NRP1: variants seen among roughly 807,000 people sequenced by gnomAD.
NRP1 encodes the protein neuropilin-1.
A neutral mutation model predicts 106.7 loss-of-function variants in NRP1; 35 were observed. That is an observed-to-expected ratio of 0.33 (90% CI 0.25 to 0.43). The LOEUF (loss-of-function observed/expected upper bound fraction) is 0.43. Ranked by LOEUF, NRP1 falls within the 20% of genes least tolerant of loss-of-function variation. NRP1 has a pLI of 1.00. For missense variants in NRP1, 1,024 were observed against 1,170.4 expected, an observed-to-expected ratio of 0.87 and a Z score of 1.83; for synonymous variants, 437 against 417.9, an observed-to-expected ratio of 1.05 and a Z score of -0.56.
chr10:33,210,936 T>C (rs1271833586), intron 9 of NRP1, among the ~76,000 whole-genome samples: 1 of 152,232 alleles, frequency 6.6e-6, no homozygotes. Context: ...AGAGATTTTA[T>C]TTCAGTGGAA....
chr10:33,328,703 G>A (rs897489020), intron 2 of NRP1, among the ~76,000 whole-genome samples: 1 of 152,130 alleles, frequency 6.6e-6, no homozygotes, highest in Admixed American at 6.6e-5. Flanking sequence ...GACATCACAT[G>A]GTTAGTTTGA....
chr10:33,303,551 T>C (rs540792806), intron 2 of NRP1, among the ~76,000 whole-genome samples: 39 of 152,348 alleles, frequency 2.6e-4, no homozygotes, highest in African/African-American at 9.1e-4. Context: ...TCATTTCTAA[T>C]TGACAATGAC....
At chr10:33,190,974 T>C (rs1836369094) in intron 13 of NRP1, among the ~76,000 whole-genome samples, 1 of 152,110 alleles carries the variant, frequency 6.6e-6, no homozygotes, top group African/African-American at 2.4e-5. Context: ...AAACAGACTC[T>C]GAGTAGCTGG....
chr10:33,293,731 G>A (rs1404245404), intron 2 of NRP1, among the ~76,000 whole-genome samples: 2 of 152,182 alleles, frequency 1.3e-5, no homozygotes, highest in Non-Finnish European at 1.5e-5. Context: ...TGCTAAAAAC[G>A]TGCTCGCGTG....
intron 2 of NRP1, among the ~76,000 whole-genome samples, chr10:33,273,596 C>T (rs1843467793): frequency 1.3e-5 from 2 of 152,314 alleles, no homozygotes; most frequent in South Asian, 4.1e-4. Context: ...GTGGCAAACA[C>T]GGCATTGCTC....
chr10:33,282,631 G>A (rs770637381), intron 2 of NRP1, among the ~76,000 whole-genome samples: 9 of 151,950 alleles, frequency 5.9e-5, no homozygotes, highest in East Asian at 1.9e-4. Flanking sequence ...TAAAATGACC[G>A]TCATCTTTTC....
intron 12 of NRP1, among the ~76,000 whole-genome samples, chr10:33,196,001 C>T (rs1266420061): frequency 6.6e-6 from 1 of 152,042 alleles, no homozygotes; most frequent in African/African-American, 2.4e-5. Context: ...ACCGACTGGC[C>T]CCTCTGAGAA....
intron 9 of NRP1, among the ~76,000 whole-genome samples, chr10:33,208,651 T>C (rs1838017697): frequency 6.6e-6 from 1 of 152,194 alleles, no homozygotes; most frequent in Non-Finnish European, 1.5e-5. Flanking sequence ...ATAAGGAATG[T>C]CCTTTTAAAT....
chr10:33,305,274 T>G (rs1053116545), intron 2 of NRP1, among the ~76,000 whole-genome samples: 2 of 152,228 alleles, frequency 1.3e-5, no homozygotes, highest in African/African-American at 4.8e-5. Context: ...AGATATAATG[T>G]GGACATCCTA....
chr10:33,215,469 G>A (rs772009370), intron 8 of NRP1, among the ~76,000 whole-genome samples: 1 of 152,188 alleles, frequency 6.6e-6, no homozygotes, highest in Non-Finnish European at 1.5e-5. Context: ...GAGCTTCTGA[G>A]CACAAGGAGA....
At chr10:33,292,028 AGAGTAGCTAC>A (rs554826335) in intron 2 of NRP1, among the ~76,000 whole-genome samples, 141 of 152,260 alleles carry the variant, frequency 9.3e-4, no homozygotes, top group African/African-American at 3.4e-3. Context: ...CTTAGCCTCC[AGAGTAGCTAC>A]GACTACAGGT....
intron 2 of NRP1, among the ~76,000 whole-genome samples, chr10:33,316,047 A>G (rs1847009923): frequency 6.6e-6 from 1 of 152,190 alleles, no homozygotes; most frequent in Admixed American, 6.5e-5. Context: ...TATTCTAGTT[A>G]AAAATGGTTA....
chr10:33,185,810 G>T, intron 14 of NRP1, 86 bp from the exon 15 acceptor site: 2 of 1,151,706 alleles, frequency 1.7e-6, no homozygotes, highest in Non-Finnish European at 2.6e-6. Flanking sequence ...TCCAGCTACG[G>T]CACATAAATT....
intron 10 of NRP1, among the ~76,000 whole-genome samples, chr10:33,204,652 GA>G (rs901144528): frequency 5.4e-5 from 8 of 149,410 alleles, no homozygotes; most frequent in African/African-American, 1.2e-4. Flanking sequence ...AGATTCAACG[GA>G]AAAAAAAAGG....
rs916704751 is a variant in NRP1 at position 33,177,639 on chromosome 10, G to A, written c.*2437C>T. On this transcript the variant is annotated 3_prime_UTR_variant, in exon 17 of 17. Transcript: ENST00000374867. Reference sequence around the variant, plus strand: ...AAATGTCATTTAAAGTTAAGGCTTCGCTGTTCATTTTGAAACAACAATTTA... The same window carrying A: ...AAATGTCATTTAAAGTTAAGGCTTCACTGTTCATTTTGAAACAACAATTTA... 1.8e-4 allele frequency: 27 copies of A among 152,502 alleles called. No individual in the cohort carries two copies. The highest frequency in any genetic ancestry group is 5.8e-4 in the African/African-American group (24 of 41,402). 9.4% of individuals were successfully genotyped at this position (152,502 alleles called of 1,614,324 possible).
chr10:33,227,488 C>T (rs1252726025), intron 6 of NRP1, among the ~76,000 whole-genome samples: 1 of 152,190 alleles, frequency 6.6e-6, no homozygotes, highest in African/African-American at 2.4e-5. Flanking sequence ...CTCCCCACAT[C>T]TTCCTGTGGC....
At chr10:33,274,870 A>C (rs112360861) in intron 2 of NRP1, among the ~76,000 whole-genome samples, 68 of 152,304 alleles carry the variant, frequency 4.5e-4, no homozygotes, top group African/African-American at 1.6e-3. Context: ...GTTGGCGAAC[A>C]CAATTTTCAC....
At chr10:33,316,296 G>A (rs928358850) in intron 2 of NRP1, among the ~76,000 whole-genome samples, 2 of 152,218 alleles carry the variant, frequency 1.3e-5, no homozygotes, top group Non-Finnish European at 2.9e-5. Flanking sequence ...AGATTTGGGG[G>A]ACAAATAGGA....
At chr10:33,254,926 T>C (rs1394769577) in intron 5 of NRP1, among the ~76,000 whole-genome samples, 3 of 152,202 alleles carry the variant, frequency 2.0e-5, no homozygotes, top group Non-Finnish European at 4.4e-5. Flanking sequence ...GGGAGGGGCC[T>C]TCAGCAGGGA....
Sources: allele counts gnomAD v4.1 joint callset (sites outside exome capture counted in the v4.1 genomes callset), GRCh38; gene constraint gnomAD v4.1.1; transcripts MANE v1.5; gene names NCBI Gene and HGNC (gene_info 2026-07-23, HGNC 2026-07-21).